Variants in NOTCH1 observed in about 807,000 individuals in gnomAD.
The protein encoded by NOTCH1 is neurogenic locus notch homolog protein 1.
In NOTCH1, 37 loss-of-function variants were observed where a neutral mutation model predicts 254.8. That is an observed-to-expected ratio of 0.15 (90% CI 0.11 to 0.19). The LOEUF is 0.19. Ranked by LOEUF, NOTCH1 falls within the 10% of genes least tolerant of loss-of-function variation. The probability of loss-of-function intolerance (pLI) is 1.00; values close to 1 mark genes in which losing one functional copy is unlikely to be tolerated. For synonymous variants in NOTCH1, 1,731 were observed against 1,618.1 expected (o/e 1.07, Z -1.68); for missense variants, 2,972 against 3,708.6 (o/e 0.80, Z 5.16).
In NOTCH1 at chr9:136,506,562, T is replaced by G; in HGVS notation, c.3979A>C (p.Asn1327His). 1 of 1,610,172 alleles carries G rather than the reference T, an allele frequency of 6.2e-7. No individual in the cohort carries two copies. The change falls in exon 24 of 34, where the codon AAC becomes CAC. Residue 1327 changes from asparagine (N) to histidine (H), a missense_variant. Physicochemically the swap from Asn to His is moderately conservative, Grantham distance 68. This residue lies in a region of NOTCH1 where 1,343 missense variants were observed against 1,557.0 expected (regional missense o/e 0.86). Transcript: ENST00000651671. The surrounding 1 kb of genome is among the most constrained non-coding windows in gnomAD (Gnocchi z 4.5). ...KNGGTCAVASNTARGFICKCP... is the reference protein window; with the variant it reads ...KNGGTCAVASHTARGFICKCP... The stretch of plus-strand genomic sequence containing the variant: ...TTGCAGATGAACCCGCGGGCGGTGT[T>G]GGAGGCCACGGCGCAGGTGCCCCCA...
At chr9:136,507,090 G>C in intron 22 of NOTCH1, 117 bp from the exon 23 acceptor site, 1 of 1,502,040 alleles carries the variant, frequency 6.7e-7, no homozygotes, top group South Asian at 1.2e-5. Context: ...ACTCGGGAGA[G>C]GCAGGTGTCA....
chr9:136,541,921 T>C (rs1187734113), intron 2 of NOTCH1, among the ~76,000 whole-genome samples: 1 of 152,104 alleles, frequency 6.6e-6, no homozygotes, highest in East Asian at 1.9e-4. Context: ...CAGGCCAAAC[T>C]GAAGCAGGCT....
chr9:136,498,156 C>T (rs539366254), intron 33 of NOTCH1, among the ~76,000 whole-genome samples: 121 of 148,714 alleles, frequency 8.1e-4, no homozygotes, highest in South Asian at 5.8e-3. Context: ...CAACATGCCC[C>T]GGTGCCCAGG....
Position 136,533,207 on chromosome 9 carries a change from G to A in NOTCH1, c.141-9228C>T, listed in dbSNP as rs535672817. Among the ~76,000 whole-genome samples the A allele has an allele frequency of 2.7e-5, 3 of 113,144 alleles. 1 individual carries two copies. The highest frequency in any genetic ancestry group is 1.1e-4 in the African/African-American group (3 of 27,196). 74.2% of individuals were successfully genotyped at this position (113,144 alleles called of 152,430 possible). On this transcript the variant is annotated intron_variant, in intron 2 of 33. Coordinates refer to ENST00000651671, the MANE Select transcript of NOTCH1 (RefSeq NM_017617.5). ...AGGGGCCACCCAGGGGCTGCACCCC[G>A]GGAGCTGGGACCAACCCAGGTCCCT...
At chr9:136,531,724 G>A (rs1054180452) in intron 2 of NOTCH1, among the ~76,000 whole-genome samples, 1 of 152,216 alleles carries the variant, frequency 6.6e-6, no homozygotes, top group Non-Finnish European at 1.5e-5. Flanking sequence ...TGCCGGAGGA[G>A]CACTCCTGGC....
intron 15 of NOTCH1, among the ~76,000 whole-genome samples, chr9:136,512,505 C>T (rs559303151): frequency 6.6e-6 from 1 of 152,192 alleles, no homozygotes; most frequent in Non-Finnish European, 1.5e-5. Flanking sequence ...TCCCCCTCCC[C>T]GCTCAGCCCA....
At position 136,523,072 on chromosome 9, in the gene NOTCH1, T is replaced by G. The variant is rs771225163; in HGVS notation, c.520A>C (p.Thr174Pro). 1.9e-6 allele frequency: 3 copies of G among 1,584,424 alleles called. No individual in the cohort carries two copies. The highest frequency in any genetic ancestry group is 8.6e-7 in the Non-Finnish European group (1 of 1,166,212). Residue 174 changes from threonine (T) to proline (P), a missense_variant, in exon 4 of 34, where the codon ACC (threonine) becomes CCC (proline). This residue lies in a region of NOTCH1 where 374 missense variants were observed against 496.3 expected (regional missense o/e 0.75). Coordinates refer to ENST00000651671, the MANE Select transcript of NOTCH1 (RefSeq NM_017617.5). ...CACTCGTTGACATCCTGCCGGCAGG[T>G]GGGGCCATGGAAGCTGGGTGGGCAG... Reference protein sequence around the residue: ...CHCPPSFHGPTCRQDVNECGQ... With the variant: ...CHCPPSFHGPPCRQDVNECGQ...
chr9:136,502,768 G>A (rs1046907338), intron 27 of NOTCH1: 3 of 569,132 alleles, frequency 5.3e-6, no homozygotes, highest in African/African-American at 1.9e-5. Flanking sequence ...CGCTGCACTC[G>A]CACTGAGCTG....
chr9:136,509,852 G>A lies in NOTCH1; in HGVS notation c.2850C>T (p.Ala950=), dbSNP rs2133350912. 1 of 1,613,086 alleles carries A rather than the reference G, an allele frequency of 6.2e-7. No individual in the cohort carries two copies. Among genetic ancestry groups the A allele is most frequent in the Non-Finnish European group, 8.5e-7 (1 of 1,180,020 alleles). Residue 950 remains alanine (A), a synonymous_variant, in exon 18 of 34, where the codon GCC becomes GCT. Transcript: ENST00000651671. ...TFCEEDINEC[A]SDPCRNGANC... is the part of the protein sequence containing the mutation. ...TGGCCCCGTTGCGGCAGGGGTCACT[G>A]GCACACTCGTTGATGTCCTCCTCAC...
chr9:136,507,611 G>C (rs978867187), intron 21 of NOTCH1, among the ~76,000 whole-genome samples, 174 bp from the exon 22 acceptor site: 1 of 152,218 alleles, frequency 6.6e-6, no homozygotes, highest in African/African-American at 2.4e-5. Context: ...ACAGACCCTG[G>C]CGGGGCCTCG....
intron 2 of NOTCH1, among the ~76,000 whole-genome samples, chr9:136,533,217 A>T (rs145988374): frequency 0.069 from 7,799 of 112,586 alleles, 2,959 homozygotes; most frequent in African/African-American, 0.27. Flanking sequence ...GGGAGCTGGG[A>T]CCAACCCAGG....
In NOTCH1 at chr9:136,501,994, G is replaced by A. The variant is rs759639844; in HGVS notation, c.5472+7C>T. ...GAGCCCAGGAGCCCGGGAGCCTCGC[G>A]ACTCACCCGGAACTTCTTGGTCTCC... is the stretch of plus-strand genomic sequence containing the variant. On this transcript the variant is annotated splice_region_variant and intron_variant, in intron 29 of 33. Coordinates refer to ENST00000651671, the MANE Select transcript of NOTCH1 (RefSeq NM_017617.5). 1.2e-5 allele frequency: 20 copies of A among 1,612,588 alleles called. No individual in the cohort carries two copies. Among genetic ancestry groups the A allele is most frequent in the South Asian group, 3.3e-5 (3 of 91,086 alleles).
In NOTCH1 at chr9:136,540,267, G is replaced by A. The variant is rs982217851; in HGVS notation, c.140+3757C>T. Among the ~76,000 whole-genome samples the A allele has an allele frequency of 2.0e-5, 3 of 152,234 alleles. No individual in the cohort carries two copies. Among genetic ancestry groups the A allele is most frequent in the South Asian group, 2.1e-4 (1 of 4,822 alleles). On this transcript the variant is annotated intron_variant, in intron 2 of 33. Coordinates refer to ENST00000651671, the MANE Select transcript of NOTCH1 (RefSeq NM_017617.5). This position sits in a 1 kb window ranked among gnomAD's most constrained non-coding sequence, Gnocchi z 4.4. ...GGGCCATGTCTGCCCTGTCCCCACC[G>A]GGGGCCTGGCCTGGAGCAGAACGCA...
At chr9:136,516,729 C>A (rs1589067277) in intron 9 of NOTCH1, among the ~76,000 whole-genome samples, 1 of 152,208 alleles carries the variant, frequency 6.6e-6, no homozygotes, top group Admixed American at 6.5e-5. Context: ...TCTCTCCAGG[C>A]AGAAGGGGCT....
Position 136,515,736 on chromosome 9 carries a change from G to A in NOTCH1, c.1670-20C>T, listed in dbSNP as rs936702232. ...TGTACCCTGGACCGTGGGAGGGGCG[G>A]GCACAGGAAGACTTAGGACTGGCGG... On this transcript the variant is annotated intron_variant, in intron 10 of 33. Transcript: ENST00000651671. 2.6e-6 allele frequency: 4 copies of A among 1,529,780 alleles called. No homozygotes were observed. Among genetic ancestry groups the A allele is most frequent in the Non-Finnish European group, 3.5e-6 (4 of 1,142,892 alleles). The allele number at this position is 1,529,780 out of a possible 1,614,324, so 94.8% of individuals were successfully genotyped here.
chr9:136,514,124 G>A (rs778421343), intron 13 of NOTCH1, among the ~76,000 whole-genome samples: 13 of 152,228 alleles, frequency 8.5e-5, no homozygotes, highest in African/African-American at 2.7e-4. Context: ...AACAAAGCAC[G>A]TGCCTTCTCT....
At chr9:136,538,656 T>C (rs1262615674) in intron 2 of NOTCH1, among the ~76,000 whole-genome samples, 2 of 152,234 alleles carry the variant, frequency 1.3e-5, no homozygotes, top group Non-Finnish European at 2.9e-5. Flanking sequence ...TGGATATGCC[T>C]GCACATGAAG....
intron 15 of NOTCH1, 27 bp from the exon 16 acceptor site, chr9:136,511,298 C>A (rs780190787): frequency 1.3e-6 from 2 of 1,596,286 alleles, no homozygotes; most frequent in East Asian, 2.3e-5. Context: ...CACGTGACCC[C>A]GGGAGCCTCA....
In NOTCH1 at chr9:136,502,060, G is replaced by A. The variant is rs775497405; in HGVS notation, c.5413C>T (p.Leu1805Phe). ...CACTCATTCTGGTTGTCGTCCATGA[G>A]GGCACCGTCTGAAGCGTTCTTCAGG... is the stretch of plus-strand genomic sequence containing the variant. ...KPLKNASDGA[L>F]MDDNQNEWGD... is the part of the protein sequence containing the mutation. Residue 1805 changes from leucine (L) to phenylalanine (F), a missense_variant, in exon 29 of 34, where the codon CTC becomes TTC. Leu to Phe is a conservative substitution (Grantham distance 22). Around this residue, in one of 8 missense-constraint regions of NOTCH1, gnomAD observed 421 missense variants for 604.4 expected, o/e 0.70. Coordinates refer to ENST00000651671, the MANE Select transcript of NOTCH1 (RefSeq NM_017617.5). 29 of 1,613,232 alleles carry A rather than the reference G, an allele frequency of 1.8e-5. No individual in the cohort carries two copies. The Admixed American group carries it at 4.8e-4, about 27-fold the overall frequency.
Sources: gnomAD v4.1 joint callset for allele counts (sites outside exome capture counted in the v4.1 genomes callset) on GRCh38, gnomAD v4.1.1 for gene constraint, gnomAD v4.1.1 regional missense constraint, Gnocchi (gnomAD v3.1) non-coding constraint, MANE v1.5 for transcripts, NCBI Gene and HGNC (gene_info 2026-07-23, HGNC 2026-07-21) for gene names.